The following NGLY1 variants were observed in gnomAD, a reference collection of about 807,000 sequenced individuals.
NGLY1 encodes N-glycanase 1.
Under a neutral mutation model 84.6 loss-of-function variants are expected in NGLY1, and 68 were observed. The observed-to-expected ratio is 0.80, with a 90% CI of 0.66 to 0.98. NGLY1 has a LOEUF of 0.98. Ranked by LOEUF, NGLY1 falls within the 50% of genes least tolerant of loss-of-function variation. The pLI, the probability that NGLY1 is intolerant of heterozygous loss-of-function variation, is 0.00. For synonymous variants in NGLY1, 280 were observed against 275.2 expected, an observed-to-expected ratio of 1.02 and a Z score of -0.17; for missense variants, 779 against 770.2, an observed-to-expected ratio of 1.01 and a Z score of -0.14.
At chr3:25,754,787 G>GTTTTTTTTTT (rs1262998597) in intron 3 of NGLY1, 1 of 272,370 alleles carries the variant, frequency 3.7e-6, no homozygotes, top group African/African-American at 3.0e-5. Context: ...GATGACTCGT[G>GTTTTTTTTTT]CTTTTTTTTT....
At chr3:25,729,033 A>G in intron 10 of NGLY1, 100 bp downstream of exon 10, 1 of 749,496 alleles carries the variant, frequency 1.3e-6, no homozygotes, top group Non-Finnish European at 1.9e-6. Context: ...AATAAGTTTG[A>G]TATATCAGTT....
intron 2 of NGLY1, 145 bp from the exon 3 acceptor site, chr3:25,764,456 C>G: frequency 1.1e-6 from 1 of 897,594 alleles, no homozygotes; most frequent in African/African-American, 1.7e-5. Flanking sequence ...CATTATGGTT[C>G]TTTTTAAATA....
chr3:25,788,612 T>C (rs549056919), intron 1 of NGLY1, among the ~76,000 whole-genome samples: 2 of 152,346 alleles, frequency 1.3e-5, no homozygotes, highest in South Asian at 4.1e-4. Flanking sequence ...AAATAGCACA[T>C]TAAAACTGTA....
At chr3:25,729,082 A>G in intron 10 of NGLY1, 51 bp downstream of exon 10, 8 of 1,211,576 alleles carry the variant, frequency 6.6e-6, no homozygotes, top group Non-Finnish European at 8.7e-6. Context: ...GCCAATCTAT[A>G]TTTGTTTAAA....
intron 2 of NGLY1, among the ~76,000 whole-genome samples, chr3:25,776,786 T>G (rs1708173868): frequency 6.6e-6 from 1 of 152,208 alleles, no homozygotes; most frequent in African/African-American, 2.4e-5. Flanking sequence ...CTGTTGATTC[T>G]GTCACAAAAA....
chr3:25,743,532 C>A (rs1648456910), intron 4 of NGLY1, among the ~76,000 whole-genome samples: 1 of 151,764 alleles, frequency 6.6e-6, no homozygotes, highest in African/African-American at 2.4e-5. Context: ...AGTCGTCACT[C>A]ACTCTGTTCT....
chr3:25,741,162 T>A (rs1411284328), intron 4 of NGLY1, among the ~76,000 whole-genome samples: 3 of 142,706 alleles, frequency 2.1e-5, no homozygotes, highest in East Asian at 2.1e-4. Flanking sequence ...ATTGACAAGC[T>A]AACTACAAAA....
At chr3:25,721,610 G>A (rs1468912317) in intron 10 of NGLY1, among the ~76,000 whole-genome samples, 2 of 151,666 alleles carry the variant, frequency 1.3e-5, no homozygotes, top group African/African-American at 4.8e-5. Flanking sequence ...TTAGCTGGGC[G>A]TGGTGGCAGG....
intron 3 of NGLY1, among the ~76,000 whole-genome samples, chr3:25,760,978 TAA>T (rs984464958): frequency 4.0e-5 from 6 of 150,106 alleles, no homozygotes; most frequent in African/African-American, 1.2e-4. Flanking sequence ...GTTTATGAGA[TAA>T]AATTAGTTTT....
chr3:25,778,893 G>C (rs1415104620), intron 1 of NGLY1, among the ~76,000 whole-genome samples: 2 of 7,828 alleles, frequency 2.6e-4, no homozygotes, highest in African/African-American at 3.6e-4. Context: ...TTTTTGAGAT[G>C]GGGGGGGTCT....
In NGLY1 at chr3:25,778,667, A is replaced by G; in HGVS notation, c.153T>C (p.Tyr51=). The change falls in exon 2 of 12, where the codon TAT becomes TAC. Residue 51 remains tyrosine (Y), a synonymous_variant. Transcript: ENST00000280700. The stretch of plus-strand genomic sequence containing the variant: ...CTGTGTTTCCAATCCGGATGGATCT[A>G]TATTTTTCATCATTAGGGTTTCTGA... ...NILRNPNDEK[Y]RSIRIGNTAF... The G allele has an allele frequency of 6.2e-7, 1 of 1,607,374 alleles. No individual in the cohort carries two copies. The highest frequency in any genetic ancestry group is 8.5e-7 in the Non-Finnish European group (1 of 1,177,042).
chr3:25,779,876 T>C lies in NGLY1; in HGVS notation c.132-1188A>G, dbSNP rs143516778. On this transcript the variant is annotated intron_variant, in intron 1 of 11. Coordinates refer to ENST00000280700, the MANE Select transcript of NGLY1 (RefSeq NM_018297.4). ...TATTCAGAGACAAATGCTCTATTTTTTTTGCTATTCAAAATGTCCACAGAT... is the reference window on the plus strand; with the variant it reads ...TATTCAGAGACAAATGCTCTATTTTCTTTGCTATTCAAAATGTCCACAGAT... Among the ~76,000 whole-genome samples the C allele has an allele frequency of 2.5e-3, 378 of 152,352 alleles. 1 individual carries two copies. Among genetic ancestry groups the C allele is most frequent in the African/African-American group, 8.4e-3 (349 of 41,584 alleles).
chr3:25,741,590 A>G (rs1392493213), intron 4 of NGLY1, among the ~76,000 whole-genome samples: 1 of 152,166 alleles, frequency 6.6e-6, no homozygotes, highest in Non-Finnish European at 1.5e-5. Context: ...TAAAATCAAT[A>G]ATAAAAAAAT....
chr3:25,757,200 G>A (rs1484031578), intron 3 of NGLY1, among the ~76,000 whole-genome samples: 1 of 152,104 alleles, frequency 6.6e-6, no homozygotes, highest in East Asian at 1.9e-4. Context: ...AGAAAAACAG[G>A]TAAAATGTAT....
intron 4 of NGLY1, among the ~76,000 whole-genome samples, chr3:25,750,305 C>T (rs1406829234): frequency 6.6e-6 from 1 of 152,130 alleles, no homozygotes; most frequent in Non-Finnish European, 1.5e-5. Context: ...ATAAGGATTA[C>T]AATTCAAGGT....
chr3:25,789,867 G>A (rs1363538556), exon 1 of NGLY1: 1 of 1,551,684 alleles, frequency 6.4e-7, no homozygotes, highest in South Asian at 1.2e-5. Flanking sequence ...CTACCTCATC[G>A]CGTTATTGGC....
intron 4 of NGLY1, among the ~76,000 whole-genome samples, chr3:25,742,319 T>C (rs1274168697): frequency 6.6e-6 from 1 of 152,180 alleles, no homozygotes; most frequent in East Asian, 1.9e-4. Flanking sequence ...AACCTCTATG[T>C]CCATCAATAG....
chr3:25,773,936 G>C (rs1280419135), intron 2 of NGLY1, among the ~76,000 whole-genome samples: 2 of 152,190 alleles, frequency 1.3e-5, no homozygotes, highest in South Asian at 2.1e-4. Context: ...ACTGGTATTA[G>C]AGAGTGTCTG....
chr3:25,776,324 C>T (rs1708153481), intron 2 of NGLY1, among the ~76,000 whole-genome samples: 1 of 152,132 alleles, frequency 6.6e-6, no homozygotes, highest in Non-Finnish European at 1.5e-5. Context: ...GAATGAAAGA[C>T]AAATCTAATT....
Sources: allele counts gnomAD v4.1 joint callset (sites outside exome capture counted in the v4.1 genomes callset), GRCh38; gene constraint gnomAD v4.1.1; transcripts MANE v1.5; gene names NCBI Gene and HGNC (gene_info 2026-07-23, HGNC 2026-07-21).